Variants in RBFOX2 observed in about 807,000 individuals in gnomAD.
RBFOX2 encodes the protein RNA binding protein fox-1 homolog 2.
A neutral mutation model predicts 49.1 loss-of-function variants in RBFOX2; 10 were observed. The ratio of observed to expected loss-of-function variants is 0.20; its 90% CI spans 0.13 to 0.35. The LOEUF is 0.35. Among genes scored for constraint, RBFOX2 ranks in the 10% least tolerant of loss-of-function variants. The pLI, the probability that RBFOX2 is intolerant of heterozygous loss-of-function variation, is 1.00. For missense variants in RBFOX2, 323 were observed against 486.9 expected (o/e 0.66, Z 3.17); for synonymous variants, 183 against 187.4 (o/e 0.98, Z 0.19).
chr22:35,859,403 A>T (rs2042880592), intron 1 of RBFOX2, among the ~76,000 whole-genome samples: 1 of 152,210 alleles, frequency 6.6e-6, no homozygotes. Flanking sequence ...AAAAAAAGTC[A>T]AAAGCCTATT....
intron 2 of RBFOX2, among the ~76,000 whole-genome samples, chr22:35,805,014 G>A (rs1004454029): frequency 2.6e-5 from 4 of 152,034 alleles, no homozygotes; most frequent in East Asian, 1.9e-4. Flanking sequence ...AAGGCTGGGC[G>A]CGGTGGCTCA....
intron 4 of RBFOX2, among the ~76,000 whole-genome samples, chr22:35,769,064 G>A (rs1482928226): frequency 6.6e-6 from 1 of 152,122 alleles, no homozygotes; most frequent in East Asian, 1.9e-4. Flanking sequence ...TAAATGACCA[G>A]ATTGACACTT....
At chr22:35,766,262 C>T (rs922263558) in intron 5 of RBFOX2, among the ~76,000 whole-genome samples, 1 of 152,196 alleles carries the variant, frequency 6.6e-6, no homozygotes, top group African/African-American at 2.4e-5. Context: ...CAGCATACTG[C>T]AGCCCAGTGA....
At chr22:35,957,797 C>T (rs1447110972) in intron 1 of RBFOX2, among the ~76,000 whole-genome samples, 1 of 152,178 alleles carries the variant, frequency 6.6e-6, no homozygotes, top group African/African-American at 2.4e-5. Flanking sequence ...TTATCTACAT[C>T]TGGATCTGAA....
chr22:35,976,342 C>A (rs202223886), intron 1 of RBFOX2, among the ~76,000 whole-genome samples: 2 of 151,702 alleles, frequency 1.3e-5, no homozygotes, highest in African/African-American at 2.4e-5. Flanking sequence ...CACCACCCCC[C>A]CCTCTTAATT....
At chr22:35,870,251 G>C (rs1394101251) in intron 1 of RBFOX2, among the ~76,000 whole-genome samples, 1 of 152,186 alleles carries the variant, frequency 6.6e-6, no homozygotes, top group Non-Finnish European at 1.5e-5. Context: ...GCTCATGCTT[G>C]CCATCCCAGC....
At chr22:35,844,477 T>C (rs1189078261), upstream of RBFOX2, among the ~76,000 whole-genome samples, 1 of 152,116 alleles carries the variant, frequency 6.6e-6, no homozygotes, top group Admixed American at 6.5e-5. Context: ...CTTGGAGATA[T>C]CTTCAAATTT....
At chr22:35,757,173 A>G (rs1485074600) in intron 9 of RBFOX2, among the ~76,000 whole-genome samples, 1 of 150,722 alleles carries the variant, frequency 6.6e-6, no homozygotes, top group Non-Finnish European at 1.5e-5. Context: ...AGAAGGGTTT[A>G]TTTTCCTGTT....
intron 1 of RBFOX2, among the ~76,000 whole-genome samples, chr22:35,906,702 C>A (rs1186866457): frequency 6.6e-6 from 1 of 152,040 alleles, no homozygotes; most frequent in Non-Finnish European, 1.5e-5. Flanking sequence ...GTTAGTCCAG[C>A]TACTTGGGTG....
intron 2 of RBFOX2, among the ~76,000 whole-genome samples, chr22:35,798,124 C>T (rs539413948): frequency 6.6e-6 from 1 of 152,168 alleles, no homozygotes; most frequent in East Asian, 1.9e-4. Flanking sequence ...TACAGGCATG[C>T]ACCACCACGC....
chr22:35,769,073 TTAGAG>T (rs1449488687), intron 4 of RBFOX2, among the ~76,000 whole-genome samples: 1 of 152,168 alleles, frequency 6.6e-6, no homozygotes, highest in South Asian at 2.1e-4. Context: ...AGATTGACAC[TTAGAG>T]TAAAAATATG....
At chr22:35,844,303 A>T (rs2040885227), upstream of RBFOX2, among the ~76,000 whole-genome samples, 1 of 152,236 alleles carries the variant, frequency 6.6e-6, no homozygotes, top group African/African-American at 2.4e-5. Context: ...TTCTTAACCC[A>T]GTATCTGAAT....
At chr22:35,778,206 A>G in intron 3 of RBFOX2, 128 bp from the exon 5 acceptor site, 2 of 756,812 alleles carry the variant, frequency 2.6e-6, no homozygotes, top group South Asian at 3.7e-5. Context: ...CTATGTTTGT[A>G]TTTGTTAGTA....
Position 35,746,475 on chromosome 22 carries a change from G to A in RBFOX2, c.974C>T (p.Thr325Met), listed in dbSNP as rs368460878. Residue 325 changes from threonine to methionine, a missense_variant and splice_region_variant, in exon 10 of 12, where the codon ACG (threonine) becomes ATG (methionine). This residue lies in a region of RBFOX2 where 200 missense variants were observed against 370.0 expected (regional missense o/e 0.54). Transcript: ENST00000405409. Reference sequence around the variant, plus strand: ...CTCACCACTGTCTCTGTACATACCCGTCACTGTAAGCGGCTGCAGCGGCTG... The same window carrying A: ...CTCACCACTGTCTCTGTACATACCCATCACTGTAAGCGGCTGCAGCGGCTG... 3.6e-5 allele frequency: 57 copies of A among 1,596,736 alleles called. No homozygotes were observed. Among genetic ancestry groups the A allele is most frequent in the African/African-American group, 9.4e-5 (7 of 74,250 alleles).
upstream of RBFOX2, among the ~76,000 whole-genome samples, chr22:35,940,399 A>G (rs1267479919): frequency 6.6e-6 from 1 of 152,166 alleles, no homozygotes; most frequent in Non-Finnish European, 1.5e-5. Flanking sequence ...TTGAGATAAA[A>G]CTCACACTCA....
intron 9 of RBFOX2, among the ~76,000 whole-genome samples, chr22:35,751,282 T>C (rs1934810676): frequency 6.6e-6 from 1 of 152,244 alleles, no homozygotes; most frequent in African/African-American, 2.4e-5. Context: ...AGACACCTTC[T>C]TTCTACCCGG....
At position 35,777,760 on chromosome 22, in the gene RBFOX2, T is replaced by C. The variant is rs531254278; in HGVS notation, c.453+265A>G. The C allele has an allele frequency of 1.2e-4, 51 of 422,656 alleles. No homozygotes were observed. In the East Asian group the frequency reaches 1.8e-3, roughly 15 times the overall value. The allele number at this position is 422,656 out of a possible 1,614,324, so 26.2% of individuals were successfully genotyped here. A position where few individuals can be genotyped will look rare whatever the true frequency, so the allele number is the denominator to read the frequency against. The stretch of plus-strand genomic sequence containing the variant: ...TTAAGGCTCATAAAGCACTGTCATC[T>C]CCTACATCCTGTGTTCTTTACGTCC... On this transcript the variant is annotated intron_variant, in intron 4 of 11. Transcript: ENST00000405409.
intron 1 of RBFOX2, among the ~76,000 whole-genome samples, chr22:35,830,426 G>A (rs1244074857): frequency 2.6e-5 from 4 of 152,192 alleles, no homozygotes; most frequent in Non-Finnish European, 5.9e-5. Flanking sequence ...AATGCATCTG[G>A]CCCAAAGTAA....
intron 1 of RBFOX2, among the ~76,000 whole-genome samples, chr22:35,918,337 G>C (rs1473371536): frequency 6.6e-6 from 1 of 152,134 alleles, no homozygotes; most frequent in South Asian, 2.1e-4. Context: ...GTAATTAACA[G>C]GAATCAACAG....
Sources: gnomAD v4.1 joint callset for allele counts (sites outside exome capture counted in the v4.1 genomes callset) on GRCh38, gnomAD v4.1.1 for gene constraint, gnomAD v4.1.1 regional missense constraint, MANE v1.5 for transcripts, NCBI Gene and HGNC (gene_info 2026-07-23, HGNC 2026-07-21) for gene names.